The following PPIG variants were observed in gnomAD, a reference collection of about 807,000 sequenced individuals.
PPIG encodes the protein peptidyl-prolyl cis-trans isomerase G.
PPIG carries 26 observed loss-of-function variants against 87.9 expected under a neutral mutation model. That is an observed-to-expected ratio of 0.30 (90% confidence interval 0.22 to 0.41). The LOEUF is 0.41. Ranked by LOEUF, PPIG falls within the 10% of genes least tolerant of loss-of-function variation. The pLI is 1.00. For synonymous variants in PPIG, 308 were observed against 276.5 expected, an observed-to-expected ratio of 1.11 and a Z score of -1.13; for missense variants, 722 against 879.4, an observed-to-expected ratio of 0.82 and a Z score of 2.26.
At chr2:169,622,224 C>T (rs1319414203) in intron 9 of PPIG, among the ~76,000 whole-genome samples, 2 of 152,104 alleles carry the variant, frequency 1.3e-5, no homozygotes, top group Non-Finnish European at 2.9e-5. Flanking sequence ...AGGTCGAGAC[C>T]AGCCTGGCCA....
chr2:169,591,279 T>C (rs1684857391), intron 1 of PPIG, among the ~76,000 whole-genome samples: 2 of 152,222 alleles, frequency 1.3e-5, no homozygotes, highest in Non-Finnish European at 2.9e-5. Flanking sequence ...ACACATGAAC[T>C]GGTTACCTCT....
chr2:169,605,821 A>G (rs1457287093), intron 4 of PPIG, among the ~76,000 whole-genome samples: 1 of 152,146 alleles, frequency 6.6e-6, no homozygotes, highest in Non-Finnish European at 1.5e-5. Flanking sequence ...AAAACCAAAC[A>G]TTAGTTGTAA....
At position 169,606,083 on chromosome 2, in the gene PPIG, A is replaced by G. The variant is rs1685317207; in HGVS notation, c.181A>G (p.Lys61Glu). The G allele has an allele frequency of 1.2e-6, 2 of 1,613,510 alleles. No homozygotes were observed. The highest frequency in any genetic ancestry group is 1.7e-6 in the Non-Finnish European group (2 of 1,179,472). The change falls in exon 5 of 14, where the codon AAG becomes GAG. Residue 61 changes from lysine to glutamate, a missense_variant. Transcript: ENST00000260970. Reference sequence around the variant, plus strand: ...ATCAACTCAGAAACCATTACATTATAAGAGTTGTCTCTTTCACAGAGTTGT... The same window carrying G: ...ATCAACTCAGAAACCATTACATTATGAGAGTTGTCTCTTTCACAGAGTTGT... ...GKSTQKPLHY[K>E]SCLFHRVVKD...
chr2:169,608,612 G>T, intron 6 of PPIG, 59 bp from the exon 7 acceptor site: 1 of 1,081,570 alleles, frequency 9.2e-7, no homozygotes, highest in Non-Finnish European at 1.4e-6. Context: ...TAGAAGTGAA[G>T]ATGAAATTTT....
At chr2:169,636,039 G>A (rs996373909) in intron 12 of PPIG, 53 bp from the exon 13 acceptor site, 3 of 1,414,216 alleles carry the variant, frequency 2.1e-6, no homozygotes, top group African/African-American at 2.9e-5. Flanking sequence ...GCACCCATGC[G>A]AGTCCCTCTA....
chr2:169,603,340 T>C (rs931971837), intron 1 of PPIG, among the ~76,000 whole-genome samples: 86 of 152,152 alleles, frequency 5.7e-4, no homozygotes, highest in African/African-American at 2.0e-3. Context: ...CTTTCTGTTA[T>C]GGAAATAAAG....
intron 10 of PPIG, chr2:169,631,493 T>G (rs1176035765): frequency 4.5e-6 from 4 of 887,308 alleles, no homozygotes; most frequent in Non-Finnish European, 5.9e-6. Context: ...TTTATCAGAG[T>G]GCATTGCTCA....
At chr2:169,595,768 C>T (rs908704865) in intron 1 of PPIG, among the ~76,000 whole-genome samples, 16 of 152,062 alleles carry the variant, frequency 1.1e-4, no homozygotes, top group Non-Finnish European at 2.2e-4. Context: ...TTAAATAGTA[C>T]TCCGTTGTGT....
chr2:169,624,309 A>C (rs1434957094), intron 9 of PPIG, among the ~76,000 whole-genome samples: 2 of 152,176 alleles, frequency 1.3e-5, no homozygotes, highest in African/African-American at 4.8e-5. Flanking sequence ...ACTAATTGAT[A>C]AGGTTACATC....
intron 9 of PPIG, among the ~76,000 whole-genome samples, chr2:169,618,826 A>T (rs1246879280): frequency 6.9e-6 from 1 of 145,424 alleles, no homozygotes; most frequent in African/African-American, 2.5e-5. Flanking sequence ...GGATTCATTG[A>T]TTTTTTTTTT....
intron 1 of PPIG, among the ~76,000 whole-genome samples, chr2:169,587,529 C>A (rs762744703): frequency 1.3e-5 from 2 of 152,048 alleles, no homozygotes; most frequent in Non-Finnish European, 2.9e-5. Flanking sequence ...CGTGAGCCAC[C>A]GTGCCCAGAC....
At chr2:169,628,073 C>A (rs1685940423) in intron 9 of PPIG, among the ~76,000 whole-genome samples, 1 of 152,072 alleles carries the variant, frequency 6.6e-6, no homozygotes, top group Non-Finnish European at 1.5e-5. Flanking sequence ...CTCTGTCTCA[C>A]CAGCAGCATA....
At chr2:169,608,830 C>T (rs1685407152) in intron 7 of PPIG, 72 bp downstream of exon 7, 2 of 1,076,730 alleles carry the variant, frequency 1.9e-6, no homozygotes, top group Non-Finnish European at 2.8e-6. Context: ...TGCCTGTAAT[C>T]CCAGGACTTT....
At chr2:169,588,018 G>A (rs1476707297) in intron 1 of PPIG, among the ~76,000 whole-genome samples, 2 of 151,940 alleles carry the variant, frequency 1.3e-5, no homozygotes, top group South Asian at 2.1e-4. Context: ...ACAAAAATTA[G>A]CTGGGCATTG....
At chr2:169,592,303 C>CTTTTTTT (rs777690234) in intron 1 of PPIG, among the ~76,000 whole-genome samples, 101 of 93,572 alleles carry the variant, frequency 1.1e-3, no homozygotes, top group Non-Finnish European at 1.3e-3. Flanking sequence ...TGTCTTTTTT[C>CTTTTTTT]TTTTTTTTTT....
rs766457319 is a variant in PPIG at position 169,590,566 on chromosome 2, C to T, written c.-70+6076C>T. On this transcript the variant is annotated intron_variant, in intron 1 of 13. Coordinates refer to ENST00000260970, the MANE Select transcript of PPIG (RefSeq NM_004792.3). ...CTGAGGCAGAAGAATGGCGTGAACC[C>T]GGGAGGCGGAGCTTGCAGTGAGCCA... Among the ~76,000 whole-genome samples the T allele has an allele frequency of 3.4e-4, 52 of 150,812 alleles. 1 individual carries two copies. Among genetic ancestry groups the T allele is most frequent in the Admixed American group, 1.3e-3 (19 of 15,146 alleles).
chr2:169,587,731 T>A (rs1192476561), intron 1 of PPIG, among the ~76,000 whole-genome samples: 1 of 152,218 alleles, frequency 6.6e-6, no homozygotes, highest in Non-Finnish European at 1.5e-5. Flanking sequence ...AGTTTGTACT[T>A]CTAGCAGCAG....
At chr2:169,614,363 A>G (rs1259311790) in intron 7 of PPIG, 101 bp from the exon 8 acceptor site, 28 of 1,123,774 alleles carry the variant, frequency 2.5e-5, no homozygotes, top group African/African-American at 9.5e-5. Flanking sequence ...TTTGTTTTCA[A>G]CTTTGTTTCC....
chr2:169,610,890 A>G (rs1463589247), intron 7 of PPIG, among the ~76,000 whole-genome samples: 1 of 152,270 alleles, frequency 6.6e-6, no homozygotes, highest in East Asian at 1.9e-4. Context: ...CATAATGTGG[A>G]TCTCTGATTT....
Sources: allele counts gnomAD v4.1 joint callset (sites outside exome capture counted in the v4.1 genomes callset), GRCh38; gene constraint gnomAD v4.1.1; transcripts MANE v1.5; gene names NCBI Gene and HGNC (gene_info 2026-07-23, HGNC 2026-07-21).